The following CENPF variants were observed in gnomAD, a reference collection of about 807,000 sequenced individuals.
CENPF encodes centromere protein F, also known as AH antigen.
Under a neutral mutation model 307.3 loss-of-function variants are expected in CENPF, and 214 were observed. The ratio of observed to expected loss-of-function variants is 0.70; its 90% confidence interval spans 0.62 to 0.78. CENPF has a LOEUF of 0.78. CENPF is among the 30% of genes least tolerant of loss of function. The pLI is 0.00. For missense variants in CENPF, 3,401 were observed against 3,483.9 expected, an observed-to-expected ratio of 0.98 and a Z score of 0.60; for synonymous variants, 1,259 against 1,270.6, an observed-to-expected ratio of 0.99 and a Z score of 0.19.
rs781459816 is a variant in CENPF, at chr1:214,657,297, A to G, written c.8850A>G (p.Pro2950=). Residue 2950 remains proline (P), a synonymous_variant, in exon 18 of 20, where the codon CCA becomes CCG. Coordinates refer to ENST00000366955, the MANE Select transcript of CENPF (RefSeq NM_016343.4). ...ENGRGPTPAT[P]ESFSKKSKKA... ...GTAGAGGACCAACACCTGCTACCCC[A>G]GAGAGCTTTTCTAAAAAAAGCAAGA... The G allele has an allele frequency of 1.2e-6, 2 of 1,614,134 alleles. No homozygotes were observed. The highest frequency in any genetic ancestry group is 1.6e-4 in the Middle Eastern group (1 of 6,062).
chr1:214,618,533 T>C (rs1657419097), intron 3 of CENPF, 40 bp from the exon 4 acceptor site: 2 of 1,609,786 alleles, frequency 1.2e-6, no homozygotes, highest in African/African-American at 2.7e-5. Context: ...TAGCCTTTGC[T>C]CTAACTGATT....
rs143877090 is a variant in CENPF, at chr1:214,627,203, G to A, written c.1069-1843G>A. ...GCCTCCCTAGTAGCTGAGGCTATAG[G>A]CGCCCACCACCACACCTGGCTAATT... On this transcript the variant is annotated intron_variant, in intron 7 of 19. Coordinates refer to ENST00000366955, the MANE Select transcript of CENPF (RefSeq NM_016343.4). Among the ~76,000 whole-genome samples, 1,356 of 151,908 alleles carry A rather than the reference G, an allele frequency of 8.9e-3. 13 individuals carry two copies. The highest frequency in any genetic ancestry group is 0.015 in the Admixed American group (233 of 15,260).
At chr1:214,605,631 C>T (rs553806705) in intron 1 of CENPF, 71 of 1,500,256 alleles carry the variant, frequency 4.7e-5, no homozygotes, top group Admixed American at 1.4e-4. Flanking sequence ...GGGTGAGGTC[C>T]GGGGGCTGCC....
chr1:214,615,783 A>T (rs1657320170), intron 3 of CENPF, among the ~76,000 whole-genome samples: 1 of 152,120 alleles, frequency 6.6e-6, no homozygotes, highest in Admixed American at 6.6e-5. Context: ...TACTAAAAAT[A>T]CAAAAATTAG....
chr1:214,606,437 C>T (rs1230962860), intron 1 of CENPF, among the ~76,000 whole-genome samples: 3 of 152,210 alleles, frequency 2.0e-5, no homozygotes, highest in Non-Finnish European at 2.9e-5. Context: ...GTGTGCCCCC[C>T]ACATCCTGAA....
rs776639827 is a variant in CENPF, at chr1:214,640,959, A to G, written c.2621A>G (p.His874Arg). The change falls in exon 12 of 20, where the codon CAT becomes CGT. Residue 874 changes from histidine to arginine, a missense_variant. His to Arg is a conservative substitution (Grantham distance 29). Coordinates refer to ENST00000366955, the MANE Select transcript of CENPF (RefSeq NM_016343.4). Reference sequence around the variant, plus strand: ...AATCTCATGAAAGCAGAACAGATGCATCAAAGTTTTGTGGCTGAAACAAGT... The same window carrying G: ...AATCTCATGAAAGCAGAACAGATGCGTCAAAGTTTTGTGGCTGAAACAAGT... ...EENLMKAEQM[H>R]QSFVAETSQR... 3 of 1,604,628 alleles carry G rather than the reference A, an allele frequency of 1.9e-6. No individual in the cohort carries two copies. Among genetic ancestry groups the G allele is most frequent in the Non-Finnish European group, 2.5e-6 (3 of 1,177,736 alleles).
At chr1:214,604,976 A>G (rs1363305356) in intron 1 of CENPF, among the ~76,000 whole-genome samples, 1 of 152,132 alleles carries the variant, frequency 6.6e-6, no homozygotes, top group African/African-American at 2.4e-5. Flanking sequence ...TGAACTGCTT[A>G]TTGTTTTGAT....
intron 15 of CENPF, 24 bp downstream of exon 15, chr1:214,651,910 G>C: frequency 6.4e-7 from 1 of 1,573,156 alleles, no homozygotes; most frequent in Non-Finnish European, 8.6e-7. Context: ...TTTGGTTACT[G>C]GGGGAGCTGG....
intron 1 of CENPF, among the ~76,000 whole-genome samples, chr1:214,609,658 A>T (rs927858060): frequency 6.6e-6 from 1 of 151,998 alleles, no homozygotes; most frequent in African/African-American, 2.4e-5. Flanking sequence ...GTCATGGGGG[A>T]TTGTTGTACA....
At chr1:214,625,639 A>T (rs1657632780) in intron 7 of CENPF, among the ~76,000 whole-genome samples, 1 of 150,820 alleles carries the variant, frequency 6.6e-6, no homozygotes. Context: ...CTGCTTTTTC[A>T]TTTGTTTTCT....
Position 214,646,469 on chromosome 1 carries a change from G to T in CENPF, c.6899G>T (p.Arg2300Ile), listed in dbSNP as rs1658304711. ...CCAATAGAGGAAGAGCATCAGCTGA[G>T]AAATAGCATTGAAAAGCTGAGAGCC... Reference protein sequence around the residue: ...DPPIEEEHQLRNSIEKLRARL... With the variant: ...DPPIEEEHQLINSIEKLRARL... The change falls in exon 13 of 20, where the codon AGA becomes ATA. Residue 2300 changes from arginine to isoleucine, a missense_variant. Transcript: ENST00000366955. 2 of 1,614,102 alleles carry T rather than the reference G, an allele frequency of 1.2e-6. No individual in the cohort carries two copies. The highest frequency in any genetic ancestry group is 1.7e-6 in the Non-Finnish European group (2 of 1,180,000).
At chr1:214,623,321 G>A (rs1657567174) in intron 7 of CENPF, among the ~76,000 whole-genome samples, 1 of 152,110 alleles carries the variant, frequency 6.6e-6, no homozygotes, top group South Asian at 2.1e-4. Flanking sequence ...CATAGTATTA[G>A]GTATTATAAG....
At chr1:214,654,049 GTTC>G (rs1273442911) in intron 16 of CENPF, 2 of 152,162 alleles carry the variant, frequency 1.3e-5, no homozygotes, top group Admixed American at 6.5e-5. Flanking sequence ...ATGGTACTGT[GTTC>G]TTCTCCGTCC....
chr1:214,608,375 T>C (rs1169329763), intron 1 of CENPF: 1 of 1,612,972 alleles, frequency 6.2e-7, no homozygotes, highest in African/African-American at 1.3e-5. Flanking sequence ...TCGGAAGGCC[T>C]ACCCGAGCTG....
chr1:214,648,007 T>C, intron 13 of CENPF: 1 of 492,672 alleles, frequency 2.0e-6, no homozygotes, highest in South Asian at 1.5e-5. Flanking sequence ...GAGGCTCAAT[T>C]ATTAAAGAAA....
chr1:214,616,323 A>G (rs963661039), intron 3 of CENPF, among the ~76,000 whole-genome samples: 1 of 152,222 alleles, frequency 6.6e-6, no homozygotes, highest in African/African-American at 2.4e-5. Context: ...GTGGAAAAGA[A>G]ACACTGGTTT....
At chr1:214,652,097 C>G (rs1658481386) in intron 15 of CENPF, among the ~76,000 whole-genome samples, 4 of 127,242 alleles carry the variant, frequency 3.1e-5, no homozygotes, top group Admixed American at 1.7e-4. Flanking sequence ...GAGATGGGGT[C>G]TCTCTCTGTC....
In CENPF at chr1:214,645,029, C is replaced by T; in HGVS notation, c.5459C>T (p.Thr1820Ile). The T allele has an allele frequency of 7.4e-6, 12 of 1,613,556 alleles. No individual in the cohort carries two copies. The highest frequency in any genetic ancestry group is 1.0e-5 in the Non-Finnish European group (12 of 1,179,936). Reference sequence around the variant, plus strand: ...CATTTACAGGAGGTACAACTAATGACCAAAATTGAAGCATGCATAGAATTG... The same window carrying T: ...CATTTACAGGAGGTACAACTAATGATCAAAATTGAAGCATGCATAGAATTG... ...KLHLQEVQLM[T>I]KIEACIELEK... Residue 1820 changes from threonine to isoleucine, a missense_variant, in exon 13 of 20, where the codon ACC becomes ATC. Transcript: ENST00000366955.
At chr1:214,650,447 T>C (rs1658431299) in intron 14 of CENPF, among the ~76,000 whole-genome samples, 1 of 151,944 alleles carries the variant, frequency 6.6e-6, no homozygotes. Flanking sequence ...TAGAAAATGA[T>C]GGAGAAGAGA....
Sources: allele counts gnomAD v4.1 joint callset (sites outside exome capture counted in the v4.1 genomes callset), GRCh38; gene constraint gnomAD v4.1.1; transcripts MANE v1.5; gene names NCBI Gene and HGNC (gene_info 2026-07-23, HGNC 2026-07-21).